The following KIAA1549 variants were observed in gnomAD, a reference collection of about 807,000 sequenced individuals.
The protein encoded by KIAA1549 is KIAA1549, also known as UPF0606 protein KIAA1549.
A neutral mutation model predicts 156.4 loss-of-function variants in KIAA1549; 70 were observed. The observed-to-expected ratio is 0.45, with a 90% CI of 0.37 to 0.55. The LOEUF (loss-of-function observed/expected upper bound fraction) is 0.55, where lower values mean the gene tolerates loss of function less well. Among genes scored for constraint, KIAA1549 ranks in the 20% least tolerant of loss-of-function variants. The pLI is 0.00. For synonymous variants in KIAA1549, 1,103 were observed against 1,066.4 expected (o/e 1.03, Z -0.67); for missense variants, 2,428 against 2,540.9 (o/e 0.96, Z 0.96).
intron 12 of KIAA1549, among the ~76,000 whole-genome samples, chr7:138,875,999 G>A (rs75723397): frequency 6.6e-6 from 1 of 151,298 alleles, no homozygotes; most frequent in Non-Finnish European, 1.5e-5. Flanking sequence ...TCAGAGTCTC[G>A]CTACGTAGCC....
At chr7:138,875,981 T>C (rs1421758297) in intron 12 of KIAA1549, among the ~76,000 whole-genome samples, 2 of 151,896 alleles carry the variant, frequency 1.3e-5, no homozygotes, top group Non-Finnish European at 2.9e-5. Flanking sequence ...GTTTTTTTTT[T>C]TGTAGAGTCA....
chr7:138,905,913 T>C (rs1811992998), intron 6 of KIAA1549, among the ~76,000 whole-genome samples: 1 of 152,220 alleles, frequency 6.6e-6, no homozygotes, highest in African/African-American at 2.4e-5. Flanking sequence ...ATCACCACAA[T>C]GAAGATATAG....
At chr7:138,887,882 T>C (rs914465492) in intron 10 of KIAA1549, among the ~76,000 whole-genome samples, 4 of 152,044 alleles carry the variant, frequency 2.6e-5, no homozygotes, top group Non-Finnish European at 4.4e-5. Context: ...GCAGCAGCAG[T>C]GAGGTTTTTA....
intron 1 of KIAA1549, among the ~76,000 whole-genome samples, chr7:138,957,202 G>T (rs139065714): frequency 7.6e-4 from 116 of 152,308 alleles, no homozygotes; most frequent in African/African-American, 2.6e-3. Context: ...TAACAGGAGA[G>T]GCAGGCAATG....
chr7:138,955,407 A>C lies in KIAA1549; in HGVS notation c.187+25676T>G, dbSNP rs7809491. Among the ~76,000 whole-genome samples the C allele has an allele frequency of 7.0e-3, 1,072 of 152,144 alleles. 10 individuals are homozygous for C. Among genetic ancestry groups the C allele is most frequent in the African/African-American group, 0.025 (1,031 of 41,410 alleles). On this transcript the variant is annotated intron_variant, in intron 1 of 19. Coordinates refer to ENST00000422774, the MANE Select transcript of KIAA1549 (RefSeq NM_001164665.2). ...AATACTAGATGATTCCATTTACAGGAGGTACATAGAGGAGTCAAATTCATA... is the reference window on the plus strand; with the variant it reads ...AATACTAGATGATTCCATTTACAGGCGGTACATAGAGGAGTCAAATTCATA...
chr7:138,885,587 G>GT (rs1265767710), intron 10 of KIAA1549, among the ~76,000 whole-genome samples: 4 of 152,148 alleles, frequency 2.6e-5, no homozygotes, highest in African/African-American at 7.2e-5. Context: ...AACGGCAACC[G>GT]TATCAACCCA....
At chr7:138,853,968 C>T (rs937809331) in intron 16 of KIAA1549, among the ~76,000 whole-genome samples, 16 of 152,030 alleles carry the variant, frequency 1.1e-4, no homozygotes, top group Admixed American at 7.9e-4. Context: ...AATAGCTGTC[C>T]GCTTATTATC....
At chr7:138,859,010 C>A (rs1268599162) in intron 16 of KIAA1549, among the ~76,000 whole-genome samples, 1 of 42,274 alleles carries the variant, frequency 2.4e-5, no homozygotes, top group East Asian at 6.0e-4. Context: ...CATCTCAAAA[C>A]ACACACACAC....
Position 138,834,630 on chromosome 7 carries a change from G to C in KIAA1549, c.*3276C>G, listed in dbSNP as rs181723887. 4.3e-6 allele frequency: 1 copy of C among 231,666 alleles called. No homozygotes were observed. Among genetic ancestry groups the C allele is most frequent in the Non-Finnish European group, 8.5e-6 (1 of 117,156 alleles). 14.4% of individuals were successfully genotyped at this position (231,666 alleles called of 1,614,324 possible). The stretch of plus-strand genomic sequence containing the variant: ...AGAAAGATGCTTAATAAATGCAATC[G>C]GAAAATTGGTGAAGGAAGTGAAATT... On this transcript the variant is annotated 3_prime_UTR_variant, in exon 20 of 20. Transcript: ENST00000422774.
intron 16 of KIAA1549, 81 bp downstream of exon 16, chr7:138,861,058 G>T: frequency 1.4e-6 from 2 of 1,406,242 alleles, no homozygotes; most frequent in Non-Finnish European, 2.0e-6. Flanking sequence ...ACGGTTTTGT[G>T]CGGAGCCTGA....
At position 138,835,572 on chromosome 7, in the gene KIAA1549, G is replaced by C. The variant is rs1289300770; in HGVS notation, c.*2334C>G. 1 of 224,226 alleles carries C rather than the reference G, an allele frequency of 4.5e-6. No homozygotes were observed. The highest frequency in any genetic ancestry group is 2.2e-5 in the African/African-American group (1 of 44,818). The allele number at this position is 224,226 out of a possible 1,614,324, so 13.9% of individuals were successfully genotyped here. A position where few individuals can be genotyped will look rare whatever the true frequency, so the allele number is the denominator to read the frequency against. ...AGCCTGTATGGCCCTGAGCGGAACT[G>C]GGTGAGAAGGGGCCATTTATCCCGT... On this transcript the variant is annotated 3_prime_UTR_variant, in exon 20 of 20. Transcript: ENST00000422774.
intron 1 of KIAA1549, among the ~76,000 whole-genome samples, chr7:138,980,274 G>C (rs1814506763): frequency 6.6e-6 from 1 of 152,236 alleles, no homozygotes; most frequent in Admixed American, 6.5e-5. Context: ...ACCATCCTGT[G>C]TACAGGCTCA....
At position 138,918,772 on chromosome 7, in the gene KIAA1549, G is replaced by T; in HGVS notation, c.854C>A (p.Ser285Tyr). The part of the protein sequence containing the change: ...EGVETTLFLS[S>Y]RSLMPQPLGD... ...TAACGGCTGTGGCATTAAAGACCGGGAGCTTAAAAAAAGGGTGGTTTCCAC... is the reference window on the plus strand; with the variant it reads ...TAACGGCTGTGGCATTAAAGACCGGTAGCTTAAAAAAAGGGTGGTTTCCAC... Residue 285 changes from serine to tyrosine, a missense_variant, in exon 2 of 20, where the codon TCC (serine) becomes TAC (tyrosine). Around this residue, in one of 5 missense-constraint regions of KIAA1549, gnomAD observed 893 missense variants for 847.9 expected, o/e 1.05. Transcript: ENST00000422774. The surrounding 1 kb of genome is among the most constrained non-coding windows in gnomAD (Gnocchi z 4.2). The T allele has an allele frequency of 6.2e-7, 1 of 1,613,876 alleles. No homozygotes were observed. The highest frequency in any genetic ancestry group is 1.7e-5 in the Admixed American group (1 of 60,006).
intron 17 of KIAA1549, among the ~76,000 whole-genome samples, chr7:138,847,247 G>A (rs747272210): frequency 2.0e-5 from 3 of 152,140 alleles, no homozygotes; most frequent in Non-Finnish European, 2.9e-5. Flanking sequence ...ACACTTCTGA[G>A]GGTAAAAGCT....
rs909129265 is a variant in KIAA1549 at position 138,912,548 on chromosome 7, A to C, written c.2879-88T>G. On this transcript the variant is annotated intron_variant, in intron 2 of 19. Transcript: ENST00000422774. ...ACTTCTGGACCCCAGCACTGTGCCAAAATGTGTTAGCAGTTCCAAAAGTCT... is the reference window on the plus strand; with the variant it reads ...ACTTCTGGACCCCAGCACTGTGCCACAATGTGTTAGCAGTTCCAAAAGTCT... 3 of 1,073,426 alleles carry C rather than the reference A, an allele frequency of 2.8e-6. No individual in the cohort carries two copies. The South Asian group carries it at 3.8e-5, about 14-fold the overall frequency. The allele number at this position is 1,073,426 out of a possible 1,614,324, so 66.5% of individuals were successfully genotyped here.
intron 1 of KIAA1549, among the ~76,000 whole-genome samples, chr7:138,972,888 C>T (rs1814260551): frequency 6.6e-6 from 1 of 152,188 alleles, no homozygotes; most frequent in African/African-American, 2.4e-5. Context: ...GTGGCACAAT[C>T]TCAGCTCACT....
At chr7:138,841,210 G>A (rs1360502004) in intron 18 of KIAA1549, among the ~76,000 whole-genome samples, 2 of 152,110 alleles carry the variant, frequency 1.3e-5, no homozygotes. Flanking sequence ...TTGTGGCTTC[G>A]AGATTCACAA....
At chr7:138,858,446 G>A (rs1810457549) in intron 16 of KIAA1549, among the ~76,000 whole-genome samples, 1 of 152,004 alleles carries the variant, frequency 6.6e-6, no homozygotes, top group African/African-American at 2.4e-5. Flanking sequence ...TTGCTTGTCT[G>A]TTTAGTTTGA....
At position 138,836,700 on chromosome 7, in the gene KIAA1549, AT is replaced by A. The variant is rs1298412383; in HGVS notation, c.*1205del. The A allele has an allele frequency of 4.6e-6, 1 of 217,424 alleles. No individual in the cohort carries two copies. The highest frequency in any genetic ancestry group is 9.2e-6 in the Non-Finnish European group (1 of 108,172). The allele number at this position is 217,424 out of a possible 1,614,324, so 13.5% of individuals were successfully genotyped here. A position where few individuals can be genotyped will look rare whatever the true frequency, so the allele number is the denominator to read the frequency against. On this transcript the variant is annotated 3_prime_UTR_variant, in exon 20 of 20. Coordinates refer to ENST00000422774, the MANE Select transcript of KIAA1549 (RefSeq NM_001164665.2). Reference sequence around the variant, plus strand: ...CTCTTAGCCCAAAGAGCATAAGACAATTTTAATAGCCACTCGACAGAGTAAC... The same window carrying A: ...CTCTTAGCCCAAAGAGCATAAGACAATTTAATAGCCACTCGACAGAGTAAC...
Sources: gnomAD v4.1 joint callset for allele counts (sites outside exome capture counted in the v4.1 genomes callset) on GRCh38, gnomAD v4.1.1 for gene constraint, gnomAD v4.1.1 regional missense constraint, Gnocchi (gnomAD v3.1) non-coding constraint, MANE v1.5 for transcripts, NCBI Gene and HGNC (gene_info 2026-07-23, HGNC 2026-07-21) for gene names.